Variants in RPA3 observed in about 807,000 individuals in gnomAD.
The protein encoded by RPA3 is replication protein A3, also known as replication protein A 14 kDa subunit.
A neutral mutation model predicts 13.7 loss-of-function variants in RPA3; 24 were observed. The observed-to-expected ratio is 1.75, with a 90% CI of 1.27 to 2.46. RPA3 has a LOEUF of 2.46. RPA3 is among the 30% of genes most tolerant of loss of function. The pLI is 0.00. For synonymous variants in RPA3, 59 were observed against 51.2 expected, an observed-to-expected ratio of 1.15 and a Z score of -0.65; for missense variants, 183 against 151.0, an observed-to-expected ratio of 1.21 and a Z score of -1.11.
chr7:7,658,001 A>T (rs920335655), intron 4 of RPA3, among the ~76,000 whole-genome samples: 2 of 152,082 alleles, frequency 1.3e-5, no homozygotes, highest in Middle Eastern at 3.2e-3. Flanking sequence ...GCAGTGGTTT[A>T]TAATTCTTCT....
chr7:7,671,279 A>G (rs1779599431), intron 4 of RPA3, among the ~76,000 whole-genome samples: 1 of 151,794 alleles, frequency 6.6e-6, no homozygotes, highest in South Asian at 2.1e-4. Context: ...TATCTTTTTC[A>G]CCTCTGTGCA....
chr7:7,664,588 A>AT (rs1439558715), intron 4 of RPA3, among the ~76,000 whole-genome samples: 1 of 152,138 alleles, frequency 6.6e-6, no homozygotes, highest in South Asian at 2.1e-4. Context: ...TATACCCACT[A>AT]TGCTTTTTGT....
chr7:7,688,501 C>T lies in RPA3; in HGVS notation c.-1027-1173G>A, dbSNP rs1326599216. Among the ~76,000 whole-genome samples the T allele has an allele frequency of 2.6e-5, 4 of 152,164 alleles. No homozygotes were observed. The East Asian group carries it at 5.8e-4, about 22-fold the overall frequency. Reference sequence around the variant, plus strand: ...CCTTGCCCTCAGCCCCGTGTTTCCTCATGCAGAGTGCCCAGCTTGTTTCAT... The same window carrying T: ...CCTTGCCCTCAGCCCCGTGTTTCCTTATGCAGAGTGCCCAGCTTGTTTCAT... On this transcript the variant is annotated intron_variant, in intron 2 of 7. Coordinates refer to ENST00000223129, the MANE Select transcript of RPA3 (RefSeq NM_002947.5).
chr7:7,653,257 A>G (rs893784298), intron 4 of RPA3, among the ~76,000 whole-genome samples: 16 of 152,220 alleles, frequency 1.1e-4, no homozygotes, highest in African/African-American at 3.6e-4. Context: ...ATGCAGTTAT[A>G]TTTGTAACTT....
At chr7:7,673,310 T>TAGCAGCAGCAGCAGCAGC in intron 4 of RPA3, 447 of 1,033,872 alleles carry the variant, frequency 4.3e-4, no homozygotes, top group African/African-American at 1.2e-3. Context: ...CTATTTCAGG[T>TAGCAGCAGCAGCAGCAGC]AGCAGCAGCA....
At chr7:7,714,850 TTTC>T (rs1350528769) in intron 2 of RPA3, among the ~76,000 whole-genome samples, 7 of 150,890 alleles carry the variant, frequency 4.6e-5, no homozygotes, top group Non-Finnish European at 8.9e-5. Context: ...TTCAAAAATT[TTTC>T]TTTTTTTTTT....
chr7:7,708,352 T>G (rs954765475), intron 2 of RPA3, among the ~76,000 whole-genome samples: 1 of 152,204 alleles, frequency 6.6e-6, no homozygotes, highest in Non-Finnish European at 1.5e-5. Flanking sequence ...ACAAAATTAT[T>G]GATTGCTCAG....
intron 2 of RPA3, among the ~76,000 whole-genome samples, chr7:7,692,931 A>G (rs1780209770): frequency 6.6e-6 from 1 of 152,108 alleles, no homozygotes; most frequent in Admixed American, 6.6e-5. Flanking sequence ...AAAATGGTAT[A>G]TTTCATGTGA....
intron 4 of RPA3, among the ~76,000 whole-genome samples, chr7:7,659,418 T>C (rs1027020184): frequency 3.3e-5 from 5 of 152,238 alleles, no homozygotes; most frequent in African/African-American, 9.6e-5. Flanking sequence ...TTTAGATCTT[T>C]CCCACTTTCT....
At chr7:7,708,938 TGA>T (rs1004800208) in intron 2 of RPA3, among the ~76,000 whole-genome samples, 43 of 150,614 alleles carry the variant, frequency 2.9e-4, no homozygotes, top group African/African-American at 9.2e-4. Flanking sequence ...TGTGTGTGTG[TGA>T]GAGAGAGAGA....
At position 7,698,239 on chromosome 7, in the gene RPA3, C is replaced by T. The variant is rs1196456017; in HGVS notation, c.-1027-10911G>A. Among the ~76,000 whole-genome samples, 4 of 152,264 alleles carry T rather than the reference C, an allele frequency of 2.6e-5. No homozygotes were observed. In the East Asian group the frequency reaches 7.7e-4, roughly 29 times the overall value. On this transcript the variant is annotated intron_variant, in intron 2 of 7. Coordinates refer to ENST00000223129, the MANE Select transcript of RPA3 (RefSeq NM_002947.5). ...TGGATGAAATTTAGTAAGATATAGA[C>T]AGGGCAGATTTATTTCTGTGAGAAG...
chr7:7,664,800 T>C (rs1201657420), intron 4 of RPA3, among the ~76,000 whole-genome samples: 1 of 152,344 alleles, frequency 6.6e-6, no homozygotes, highest in African/African-American at 2.4e-5. Flanking sequence ...ACCAAAAGCA[T>C]GGCCTACCTT....
At chr7:7,709,113 C>A (rs1780683129) in intron 2 of RPA3, among the ~76,000 whole-genome samples, 1 of 152,090 alleles carries the variant, frequency 6.6e-6, no homozygotes, top group African/African-American at 2.4e-5. Context: ...AGATATTTTG[C>A]AAAATTCGGC....
At chr7:7,665,869 A>C (rs1278725188) in intron 4 of RPA3, among the ~76,000 whole-genome samples, 1 of 144,352 alleles carries the variant, frequency 6.9e-6, no homozygotes, top group Non-Finnish European at 1.5e-5. Flanking sequence ...ATGTATCACT[A>C]TTTTGTTTCC....
intron 2 of RPA3, among the ~76,000 whole-genome samples, chr7:7,708,660 T>C (rs1470658234): frequency 1.3e-5 from 2 of 152,212 alleles, no homozygotes; most frequent in East Asian, 3.8e-4. Context: ...AATATACTTT[T>C]CCTACTACTT....
chr7:7,688,011 G>A (rs1169081067), intron 2 of RPA3, among the ~76,000 whole-genome samples: 2 of 152,192 alleles, frequency 1.3e-5, no homozygotes, highest in East Asian at 3.9e-4. Context: ...GTTGATAACT[G>A]AGATAAGCAG....
intron 4 of RPA3, among the ~76,000 whole-genome samples, chr7:7,660,516 G>A (rs570941830): frequency 6.6e-6 from 1 of 152,280 alleles, no homozygotes; most frequent in East Asian, 1.9e-4. Flanking sequence ...AAATCTCTCA[G>A]CATTTGCTTG....
chr7:7,688,845 G>A (rs1267889032), intron 2 of RPA3, among the ~76,000 whole-genome samples: 2 of 152,140 alleles, frequency 1.3e-5, no homozygotes, highest in Non-Finnish European at 2.9e-5. Context: ...CTTTTGTAAT[G>A]ACTTGTAAAC....
At chr7:7,659,163 T>C (rs1481626182) in intron 4 of RPA3, among the ~76,000 whole-genome samples, 1 of 152,174 alleles carries the variant, frequency 6.6e-6, no homozygotes, top group African/African-American at 2.4e-5. Context: ...CCCTTTATCA[T>C]TTTTTATTGC....
Sources: gnomAD v4.1 joint callset for allele counts (sites outside exome capture counted in the v4.1 genomes callset) on GRCh38, gnomAD v4.1.1 for gene constraint, MANE v1.5 for transcripts, NCBI Gene and HGNC (gene_info 2026-07-23, HGNC 2026-07-21) for gene names.